Variants in PTPRG observed in about 807,000 individuals in gnomAD.
PTPRG encodes the protein protein tyrosine phosphatase receptor type G.
PTPRG carries 102 observed loss-of-function variants against 165.3 expected under a neutral mutation model. That is an observed-to-expected ratio of 0.62 (90% CI 0.53 to 0.73). The LOEUF (loss-of-function observed/expected upper bound fraction) is 0.73, where lower values mean the gene tolerates loss of function less well. Among genes scored for constraint, PTPRG ranks in the 30% least tolerant of loss-of-function variants. PTPRG has a pLI of 0.00. For missense variants in PTPRG, 1,866 were observed against 1,861.4 expected (o/e 1.00, Z -0.05); for synonymous variants, 675 against 669.5 (o/e 1.01, Z -0.13).
At chr3:61,773,932 G>A (rs867910946) in intron 2 of PTPRG, among the ~76,000 whole-genome samples, 11 of 151,968 alleles carry the variant, frequency 7.2e-5, no homozygotes, top group East Asian at 1.9e-4. Flanking sequence ...GCACCACCAC[G>A]CGTGGCTAAT....
intron 1 of PTPRG, among the ~76,000 whole-genome samples, chr3:61,735,923 T>C (rs1429735140): frequency 2.0e-5 from 3 of 151,738 alleles, no homozygotes; most frequent in Admixed American, 6.6e-5. Flanking sequence ...TTTTTTTTTT[T>C]TGGAGACAGC....
chr3:61,905,201 C>T (rs867476130), intron 2 of PTPRG, among the ~76,000 whole-genome samples: 8 of 152,142 alleles, frequency 5.3e-5, no homozygotes, highest in African/African-American at 1.2e-4. Flanking sequence ...TATGTTATCA[C>T]GTAAGGGCTG....
chr3:62,259,046 G>C (rs529084116), intron 16 of PTPRG, among the ~76,000 whole-genome samples: 389 of 152,300 alleles, frequency 2.6e-3, no homozygotes, highest in Non-Finnish European at 3.8e-3. Flanking sequence ...ACAGCCCCTG[G>C]ACAAGATCCT....
At chr3:62,075,623 C>T (rs938077379) in intron 4 of PTPRG, among the ~76,000 whole-genome samples, 7 of 152,156 alleles carry the variant, frequency 4.6e-5, no homozygotes, top group Non-Finnish European at 8.8e-5. Context: ...TAGGAAGTGT[C>T]CTGATTTGGG....
intron 4 of PTPRG, among the ~76,000 whole-genome samples, chr3:62,021,857 CTTTTTTTTTTT>C (rs398062374): frequency 1.0e-5 from 1 of 97,092 alleles, no homozygotes; most frequent in Non-Finnish European, 2.1e-5. Flanking sequence ...TTTTCCTTTT[CTTTTTTTTTTT>C]TTTTTTTTGC....
At chr3:61,568,629 G>C (rs868647186) in intron 1 of PTPRG, among the ~76,000 whole-genome samples, 5 of 151,706 alleles carry the variant, frequency 3.3e-5, no homozygotes, top group Admixed American at 3.3e-4. Flanking sequence ...TTTTTTTTTG[G>C]CCTGGCATGG....
intron 2 of PTPRG, among the ~76,000 whole-genome samples, chr3:61,773,919 C>T (rs536875256): frequency 2.0e-5 from 3 of 152,012 alleles, no homozygotes; most frequent in Admixed American, 6.6e-5. Flanking sequence ...GGATTACAGG[C>T]GTGCACCACC....
chr3:62,042,670 T>C (rs1010049683), intron 4 of PTPRG, among the ~76,000 whole-genome samples: 2 of 152,178 alleles, frequency 1.3e-5, no homozygotes, highest in Non-Finnish European at 2.9e-5. Context: ...GTTCCTCTAC[T>C]AGGTGTTCCT....
chr3:61,763,385 G>A (rs573208163), intron 2 of PTPRG, among the ~76,000 whole-genome samples: 3 of 151,684 alleles, frequency 2.0e-5, no homozygotes, highest in South Asian at 4.2e-4. Context: ...TTACAGGCGC[G>A]CACCACTACA....
intron 1 of PTPRG, among the ~76,000 whole-genome samples, chr3:61,685,822 C>G (rs930970167): frequency 2.0e-5 from 3 of 152,188 alleles, no homozygotes; most frequent in Non-Finnish European, 2.9e-5. Flanking sequence ...TCCTGTTAGT[C>G]TCTGCCCCTA....
intron 2 of PTPRG, among the ~76,000 whole-genome samples, chr3:61,796,684 A>G (rs1025895556): frequency 1.3e-5 from 2 of 152,066 alleles, no homozygotes; most frequent in East Asian, 1.9e-4. Flanking sequence ...AATCCTTCTG[A>G]CTTTTTAGGT....
intron 2 of PTPRG, among the ~76,000 whole-genome samples, chr3:61,972,767 C>T (rs2040413869): frequency 6.6e-6 from 1 of 151,674 alleles, no homozygotes; most frequent in Non-Finnish European, 1.5e-5. Flanking sequence ...ATACTCACAC[C>T]TTAGACTCCT....
intron 4 of PTPRG, among the ~76,000 whole-genome samples, chr3:62,072,825 A>G (rs1183434435): frequency 6.6e-6 from 1 of 152,166 alleles, no homozygotes; most frequent in Non-Finnish European, 1.5e-5. Flanking sequence ...AAAGTATTCT[A>G]TTTCAACTAT....
intron 6 of PTPRG, among the ~76,000 whole-genome samples, chr3:62,147,607 T>C (rs1360667827): frequency 2.0e-4 from 31 of 152,342 alleles, no homozygotes; most frequent in Admixed American, 1.8e-3. Context: ...CATCTCACGA[T>C]TGATGTTGAC....
intron 17 of PTPRG, among the ~76,000 whole-genome samples, chr3:62,266,578 C>A (rs138218242): frequency 3.3e-5 from 5 of 151,972 alleles, no homozygotes; most frequent in Middle Eastern, 3.4e-3. Flanking sequence ...AAAAACAGTT[C>A]ACAGTTCCAA....
chr3:62,017,438 C>T lies in PTPRG; in HGVS notation c.519+13941C>T, dbSNP rs191979837. ...AAATGATTTTTTTTTTTTTTTGAGG[C>T]GGAGTCTCGCTCTTTCGCCCAGGCT... is the stretch of plus-strand genomic sequence containing the variant. On this transcript the variant is annotated intron_variant, in intron 4 of 29. Coordinates refer to ENST00000474889, the MANE Select transcript of PTPRG (RefSeq NM_002841.4). Among the ~76,000 whole-genome samples the T allele has an allele frequency of 8.3e-4, 123 of 148,114 alleles. No individual in the cohort carries two copies. The East Asian group carries it at 0.017, about 20-fold the overall frequency.
chr3:61,867,702 C>T (rs1380890165), intron 2 of PTPRG, among the ~76,000 whole-genome samples: 2 of 152,100 alleles, frequency 1.3e-5, no homozygotes, highest in African/African-American at 4.8e-5. Flanking sequence ...GCCCTCTCTC[C>T]CTCTCTTCTT....
intron 2 of PTPRG, among the ~76,000 whole-genome samples, chr3:61,976,685 T>G (rs2040514539): frequency 6.6e-6 from 1 of 152,168 alleles, no homozygotes; most frequent in East Asian, 1.9e-4. Context: ...TTTAAAAAAT[T>G]TTTTTTTGAG....
intron 1 of PTPRG, among the ~76,000 whole-genome samples, chr3:61,739,921 T>C (rs1171819441): frequency 1.3e-5 from 2 of 152,190 alleles, no homozygotes; most frequent in Non-Finnish European, 2.9e-5. Flanking sequence ...AGCTCTCACA[T>C]TTTAAAAAAA....
Sources: allele counts gnomAD v4.1 joint callset (sites outside exome capture counted in the v4.1 genomes callset), GRCh38; gene constraint gnomAD v4.1.1; transcripts MANE v1.5; gene names NCBI Gene and HGNC (gene_info 2026-07-23, HGNC 2026-07-21).